Variants in TMPRSS15 observed in about 807,000 individuals in gnomAD.
TMPRSS15 encodes transmembrane serine protease 15, also known as enteropeptidase.
Under a neutral mutation model 125.3 loss-of-function variants are expected in TMPRSS15, and 128 were observed. That is an observed-to-expected ratio of 1.02 (90% CI 0.89 to 1.18). The LOEUF (loss-of-function observed/expected upper bound fraction) is 1.18. Among genes scored for constraint, TMPRSS15 ranks in the 50% most tolerant of loss-of-function variants. TMPRSS15 has a pLI of 0.00. For synonymous variants in TMPRSS15, 446 were observed against 423.2 expected (o/e 1.05, Z -0.66); for missense variants, 1,283 against 1,212.7 (o/e 1.06, Z -0.86).
At chr21:18,474,523 C>T (rs1978841270) in intron 1 of TMPRSS15, among the ~76,000 whole-genome samples, 1 of 152,070 alleles carries the variant, frequency 6.6e-6, no homozygotes, top group Admixed American at 6.5e-5. Context: ...CTCCTGACCT[C>T]AGGTGATCCA....
At chr21:18,345,633 C>T (rs1020468750) in intron 10 of TMPRSS15, among the ~76,000 whole-genome samples, 13 of 142,820 alleles carry the variant, frequency 9.1e-5, no homozygotes, top group Non-Finnish European at 1.5e-4. Context: ...CCCAGCTACT[C>T]GGGACACTGA....
intron 1 of TMPRSS15, among the ~76,000 whole-genome samples, chr21:18,453,592 A>G (rs960469754): frequency 6.6e-6 from 1 of 152,190 alleles, no homozygotes; most frequent in South Asian, 2.1e-4. Context: ...CAGTTTATGC[A>G]GCTCCCTCAA....
intron 1 of TMPRSS15, among the ~76,000 whole-genome samples, chr21:18,470,218 A>G (rs1244285598): frequency 6.6e-6 from 1 of 152,008 alleles, no homozygotes; most frequent in Admixed American, 6.6e-5. Flanking sequence ...TCTCTCTCCA[A>G]CTTTTCTTTG....
intron 10 of TMPRSS15, among the ~76,000 whole-genome samples, chr21:18,348,011 C>T (rs1364623487): frequency 6.6e-6 from 1 of 152,042 alleles, no homozygotes; most frequent in African/African-American, 2.4e-5. Flanking sequence ...TAATGAGGCC[C>T]CATCTCTATA....
chr21:18,398,721 T>C (rs1454584098), intron 1 of TMPRSS15, among the ~76,000 whole-genome samples: 1 of 152,144 alleles, frequency 6.6e-6, no homozygotes, highest in Non-Finnish European at 1.5e-5. Context: ...AAAAGTTTTG[T>C]AGTTGCTTTC....
intron 16 of TMPRSS15, among the ~76,000 whole-genome samples, chr21:18,316,096 T>C (rs992454985): frequency 1.3e-5 from 2 of 152,144 alleles, no homozygotes; most frequent in Non-Finnish European, 2.9e-5. Context: ...GTTTTGATAC[T>C]GAGCAACACC....
intron 1 of TMPRSS15, among the ~76,000 whole-genome samples, chr21:18,426,920 G>T (rs1418040663): frequency 6.6e-6 from 1 of 152,170 alleles, no homozygotes; most frequent in Non-Finnish European, 1.5e-5. Context: ...AAATGTCTCA[G>T]TTGGATTTTA....
intron 1 of TMPRSS15, among the ~76,000 whole-genome samples, chr21:18,459,005 A>G (rs1041016928): frequency 2.0e-5 from 3 of 152,138 alleles, no homozygotes; most frequent in African/African-American, 7.2e-5. Flanking sequence ...TTCTTCTAGG[A>G]CCTTCATAGT....
At chr21:18,326,410 T>A (rs369417772) in intron 16 of TMPRSS15, 22 bp downstream of exon 16, 136 of 1,613,968 alleles carry the variant, frequency 8.4e-5, no homozygotes, top group Non-Finnish European at 1.1e-4. Flanking sequence ...TATGATGCAA[T>A]GTGTGATTTA....
In TMPRSS15 at chr21:18,397,894, CTT is replaced by C. The variant is rs769853972; in HGVS notation, c.327_328del (p.Arg110SerfsTer5). 103 of 1,545,370 alleles carry C rather than the reference CTT, an allele frequency of 6.7e-5. No individual in the cohort carries two copies. Among genetic ancestry groups the C allele is most frequent in the Non-Finnish European group, 8.8e-5 (99 of 1,131,034 alleles). On this transcript the variant is annotated frameshift_variant, in exon 3 of 25. Transcript: ENST00000284885. LOFTEE classifies it high-confidence loss of function. ...CTATACTCACTCAAATTGTAAAACT[CTT>C]GAGTTCTTATATTCATTCTTCAGAT...
At chr21:18,327,047 C>T (rs1038392478) in intron 15 of TMPRSS15, among the ~76,000 whole-genome samples, 5 of 152,140 alleles carry the variant, frequency 3.3e-5, no homozygotes, top group African/African-American at 4.8e-5. Flanking sequence ...GGCTTTTAAA[C>T]CTTTTGCCCT....
chr21:18,369,429 G>A (rs929858619), intron 6 of TMPRSS15, among the ~76,000 whole-genome samples: 10 of 152,082 alleles, frequency 6.6e-5, no homozygotes, highest in Non-Finnish European at 4.4e-5. Flanking sequence ...CCTTTTCATA[G>A]GTCAGCTAAA....
intron 1 of TMPRSS15, chr21:18,460,660 CAA>C (rs1223852255): frequency 6.6e-6 from 1 of 152,156 alleles, no homozygotes. Flanking sequence ...AGTTCAAAGG[CAA>C]AGACTACCTG....
chr21:18,363,606 A>G (rs1207452854), intron 7 of TMPRSS15, among the ~76,000 whole-genome samples: 1 of 152,174 alleles, frequency 6.6e-6, no homozygotes, highest in Admixed American at 6.5e-5. Context: ...AAGATTTTCT[A>G]CAGCTTTCTA....
intron 18 of TMPRSS15, among the ~76,000 whole-genome samples, chr21:18,310,477 A>G (rs2075089230): frequency 6.6e-6 from 1 of 152,116 alleles, no homozygotes; most frequent in Admixed American, 6.6e-5. Flanking sequence ...AAAAAAAACA[A>G]ACACCTAGAA....
intron 1 of TMPRSS15, among the ~76,000 whole-genome samples, chr21:18,456,147 T>G (rs1275081201): frequency 1.3e-5 from 2 of 152,146 alleles, no homozygotes; most frequent in African/African-American, 4.8e-5. Flanking sequence ...TAATACAGAA[T>G]TATTTAATAG....
At chr21:18,392,613 C>A (rs774263321) in intron 3 of TMPRSS15, among the ~76,000 whole-genome samples, 1 of 152,190 alleles carries the variant, frequency 6.6e-6, no homozygotes, top group African/African-American at 2.4e-5. Flanking sequence ...TCCAATGTCA[C>A]TTCCACATTT....
At chr21:18,275,425 A>G in intron 23 of TMPRSS15, 89 bp from the exon 24 acceptor site, 7 of 1,474,918 alleles carry the variant, frequency 4.7e-6, no homozygotes, top group Non-Finnish European at 1.9e-6. Context: ...TTATTCCAAC[A>G]TTTCACTCTC....
intron 16 of TMPRSS15, 85 bp downstream of exon 16, chr21:18,326,347 T>C: frequency 6.5e-7 from 1 of 1,536,020 alleles, no homozygotes; most frequent in Non-Finnish European, 9.0e-7. Context: ...AGCATTAAAA[T>C]CATGATTTTG....
Sources: allele counts gnomAD v4.1 joint callset (sites outside exome capture counted in the v4.1 genomes callset), GRCh38; gene constraint gnomAD v4.1.1; transcripts MANE v1.5; gene names NCBI Gene and HGNC (gene_info 2026-07-23, HGNC 2026-07-21).